The following SH3KBP1 variants were observed in gnomAD, a reference collection of about 807,000 sequenced individuals.
The protein encoded by SH3KBP1 is SH3 domain-containing kinase-binding protein 1.
In SH3KBP1, 8 loss-of-function variants were observed where a neutral mutation model predicts 50.1. That is an observed-to-expected ratio of 0.16 (90% CI 0.09 to 0.29). The LOEUF is 0.29. Among genes scored for constraint, SH3KBP1 ranks in the 10% least tolerant of loss-of-function variants. SH3KBP1 has a pLI of 1.00. For synonymous variants in SH3KBP1, 227 were observed against 218.6 expected, an observed-to-expected ratio of 1.04 and a Z score of -0.34; for missense variants, 377 against 535.2, an observed-to-expected ratio of 0.70 and a Z score of 2.92.
intron 9 of SH3KBP1, among the ~76,000 whole-genome samples, chrX:19,606,071 C>T (rs866610485): frequency 1.6e-4 from 18 of 111,983 alleles, no homozygotes; most frequent in Middle Eastern, 4.6e-3. Flanking sequence ...TTCCTACCCT[C>T]GTGGTAAATA....
chrX:19,874,404 T>A (rs1187391951), intron 1 of SH3KBP1, among the ~76,000 whole-genome samples: 3 of 61,735 alleles, frequency 4.9e-5, no homozygotes, highest in South Asian at 1.5e-3. Flanking sequence ...TGGGGGCAGA[T>A]GAGAGGATGG....
At chrX:19,861,237 C>T (rs906792973) in intron 1 of SH3KBP1, among the ~76,000 whole-genome samples, 16 of 109,188 alleles carry the variant, frequency 1.5e-4, no homozygotes, top group Admixed American at 3.9e-4. Flanking sequence ...ATTAGCCAGG[C>T]GTGGTGGCAG....
At chrX:19,671,003 G>A in intron 6 of SH3KBP1, 1 of 1,067,499 alleles carries the variant, frequency 9.4e-7, no homozygotes, top group Non-Finnish European at 1.2e-6. Flanking sequence ...ACCAAATGAG[G>A]AATGGGGAGA....
In SH3KBP1 at chrX:19,541,569, T is replaced by C. The variant is rs180920136; in HGVS notation, c.1892+356A>G. ...CTGTTGCAAGAGGAAAAGCTAGCTGTTGAGCTTATTTAAGAAGTGGTTCAT... is the reference window on the plus strand; with the variant it reads ...CTGTTGCAAGAGGAAAAGCTAGCTGCTGAGCTTATTTAAGAAGTGGTTCAT... On this transcript the variant is annotated intron_variant, in intron 16 of 17. Coordinates refer to ENST00000397821, the MANE Select transcript of SH3KBP1 (RefSeq NM_031892.3). 2.4e-3 allele frequency among the ~76,000 whole-genome samples: 273 copies of C among 112,250 alleles called. 1 individual carries two copies. The highest frequency in any genetic ancestry group is 3.7e-3 in the Non-Finnish European group (197 of 53,171).
At chrX:19,643,768 T>C (rs1412510282) in intron 7 of SH3KBP1, among the ~76,000 whole-genome samples, 1 of 111,584 alleles carries the variant, frequency 9.0e-6, no homozygotes, top group African/African-American at 3.3e-5. Flanking sequence ...CCTTCCCCTC[T>C]GAATTGTAAA....
intron 7 of SH3KBP1, among the ~76,000 whole-genome samples, chrX:19,635,317 G>A (rs2061674809): frequency 9.1e-6 from 1 of 109,920 alleles, no homozygotes; most frequent in Non-Finnish European, 1.9e-5. Context: ...ACTGACACAG[G>A]GACAGAAAAC....
chrX:19,882,084 G>A (rs1408930596), intron 1 of SH3KBP1, among the ~76,000 whole-genome samples: 3 of 111,345 alleles, frequency 2.7e-5, no homozygotes, highest in Non-Finnish European at 5.7e-5. Flanking sequence ...AATGCAAGAT[G>A]TAACTTTAAG....
rs188703774 is a variant in SH3KBP1 at position 19,705,567 on chromosome X, A to G, written c.390+1314T>C. ...GTAAAAAAGGATGAATGACATGTTA[A>G]TTATCCAAAATTCGGAAGTAGGTAA... On this transcript the variant is annotated intron_variant, in intron 4 of 17. Transcript: ENST00000397821. Among the ~76,000 whole-genome samples the G allele has an allele frequency of 3.6e-5, 4 of 111,466 alleles. No homozygotes were observed. In the East Asian group the frequency reaches 1.1e-3, roughly 32 times the overall value.
rs201183949 is a variant in SH3KBP1 at position 19,808,335 on chromosome X, C to CT, written c.162+27789dup. ...CTCAGTCTACCACCCGCTTAAAGACCTTTTTTTTTAGGTGAGATGGAGTGG... is the reference window on the plus strand; with the variant it reads ...CTCAGTCTACCACCCGCTTAAAGACCTTTTTTTTTTAGGTGAGATGGAGTGG... On this transcript the variant is annotated intron_variant, in intron 2 of 17. Transcript: ENST00000397821. Among the ~76,000 whole-genome samples, 210 of 109,097 alleles carry CT rather than the reference C, an allele frequency of 1.9e-3. 1 individual carries two copies. The highest frequency in any genetic ancestry group is 6.5e-3 in the African/African-American group (195 of 29,996). The allele number at this position is 109,097 out of a possible 115,157, so 94.7% of individuals were successfully genotyped here. A position where few individuals can be genotyped will look rare whatever the true frequency, so the allele number is the denominator to read the frequency against.
intron 2 of SH3KBP1, among the ~76,000 whole-genome samples, chrX:19,755,007 C>A (rs987130956): frequency 3.6e-5 from 4 of 112,522 alleles, no homozygotes; most frequent in African/African-American, 1.3e-4. Flanking sequence ...AATGTTTCTA[C>A]AATCTCAGAA....
chrX:19,694,998 T>C (rs1801892580), intron 5 of SH3KBP1: 4 of 1,199,117 alleles, frequency 3.3e-6, no homozygotes, highest in Non-Finnish European at 4.5e-6. Flanking sequence ...TCCTGACCTT[T>C]TGCTCCGTGA....
chrX:19,783,739 A>G (rs944585721), intron 2 of SH3KBP1, among the ~76,000 whole-genome samples: 4 of 112,050 alleles, frequency 3.6e-5, no homozygotes, highest in Non-Finnish European at 7.5e-5. Flanking sequence ...GCCTCAGAAA[A>G]CAAATAAAAA....
intron 8 of SH3KBP1, among the ~76,000 whole-genome samples, chrX:19,614,801 G>A (rs2067556396): frequency 8.9e-6 from 1 of 112,022 alleles, no homozygotes; most frequent in South Asian, 3.7e-4. Flanking sequence ...CCGCTACTCC[G>A]TGGACCATAC....
At chrX:19,776,337 G>A (rs1225460589) in intron 2 of SH3KBP1, among the ~76,000 whole-genome samples, 1 of 109,622 alleles carries the variant, frequency 9.1e-6, no homozygotes. Context: ...GAAAGCAGGA[G>A]GGAAAGACTG....
intron 3 of SH3KBP1, among the ~76,000 whole-genome samples, chrX:19,730,111 T>A (rs1310108410): frequency 2.7e-5 from 3 of 111,783 alleles, no homozygotes; most frequent in Non-Finnish European, 1.9e-5. Context: ...AGAAATAAAC[T>A]ACTTCTAGTG....
In SH3KBP1 at chrX:19,776,353, C is replaced by T. The variant is rs371933449; in HGVS notation, c.163-29912G>A. ...AAAGCAGGAGGGAAAGACTGCCTCA[C>T]AGATTCAACTCCCTGGAGAAAACCC... On this transcript the variant is annotated intron_variant, in intron 2 of 17. Coordinates refer to ENST00000397821, the MANE Select transcript of SH3KBP1 (RefSeq NM_031892.3). Among the ~76,000 whole-genome samples, 103 of 109,487 alleles carry T rather than the reference C, an allele frequency of 9.4e-4. 1 individual carries two copies. The highest frequency in any genetic ancestry group is 3.3e-3 in the African/African-American group (99 of 30,032).
chrX:19,536,721 T>C (rs927869125), intron 17 of SH3KBP1, among the ~76,000 whole-genome samples: 27 of 111,833 alleles, frequency 2.4e-4, no homozygotes, highest in African/African-American at 7.5e-4. Context: ...AAAGCAGCAA[T>C]AATTCCAGTT....
At chrX:19,541,079 T>C (rs1279622088) in intron 16 of SH3KBP1, among the ~76,000 whole-genome samples, 1 of 111,250 alleles carries the variant, frequency 9.0e-6, no homozygotes, top group African/African-American at 3.3e-5. Context: ...CACGCCCAAC[T>C]AATTTTTTTG....
At chrX:19,621,682 T>C (rs964685862) in intron 8 of SH3KBP1, among the ~76,000 whole-genome samples, 2 of 112,377 alleles carry the variant, frequency 1.8e-5, no homozygotes, top group Non-Finnish European at 3.8e-5. Flanking sequence ...TAAAGTTTCA[T>C]TGGAACTCTG....
Sources: gnomAD v4.1 joint callset for allele counts (sites outside exome capture counted in the v4.1 genomes callset) on GRCh38, gnomAD v4.1.1 for gene constraint, MANE v1.5 for transcripts, NCBI Gene and HGNC (gene_info 2026-07-23, HGNC 2026-07-21) for gene names.